Variants in NEXMIF observed in about 807,000 individuals in gnomAD.
The protein encoded by NEXMIF is XLMR protein related to neurite extension.
In NEXMIF, 8 loss-of-function variants were observed where a neutral mutation model predicts 62.1. The ratio of observed to expected loss-of-function variants is 0.13; its 90% CI spans 0.08 to 0.23. The LOEUF (loss-of-function observed/expected upper bound fraction) is 0.23, where lower values mean the gene tolerates loss of function less well. Among genes scored for constraint, NEXMIF ranks in the 10% least tolerant of loss-of-function variants. NEXMIF has a pLI of 1.00. For synonymous variants in NEXMIF, 404 were observed against 416.6 expected, an observed-to-expected ratio of 0.97 and a Z score of 0.37; for missense variants, 976 against 1,113.3, an observed-to-expected ratio of 0.88 and a Z score of 1.75.
chrX:74,919,313 G>A (rs2080818166), intron 1 of NEXMIF, among the ~76,000 whole-genome samples: 1 of 111,428 alleles, frequency 9.0e-6, no homozygotes, highest in Admixed American at 9.5e-5. Context: ...TTCTTCTCCA[G>A]AAAGATCTCT....
At chrX:74,812,334 CAT>C (rs996354227) in intron 1 of NEXMIF, among the ~76,000 whole-genome samples, 4 of 111,921 alleles carry the variant, frequency 3.6e-5, no homozygotes, top group African/African-American at 6.5e-5. Context: ...CAAATTAACA[CAT>C]AGTTTCCCTA....
At chrX:74,824,742 G>A (rs761284200) in intron 1 of NEXMIF, among the ~76,000 whole-genome samples, 12 of 108,428 alleles carry the variant, frequency 1.1e-4, no homozygotes, top group African/African-American at 2.0e-4. Flanking sequence ...TCCGCCTCCC[G>A]GATTCACGCC....
chrX:74,761,780 G>C (rs2080176907), intron 1 of NEXMIF, among the ~76,000 whole-genome samples: 1 of 110,568 alleles, frequency 9.0e-6, no homozygotes, highest in South Asian at 3.9e-4. Context: ...GGGTTGGTTT[G>C]CTCTTGCTTC....
At position 74,919,189 on chromosome X, in the gene NEXMIF, C is replaced by T. The variant is rs1485146947; in HGVS notation, c.-48+5694G>A. Among the ~76,000 whole-genome samples the T allele has an allele frequency of 3.6e-5, 4 of 111,784 alleles. No individual in the cohort carries two copies. The Admixed American group carries it at 3.8e-4, about 11-fold the overall frequency. ...GAGCAGCCATTTTCCAGCATGCAGA[C>T]ATCACCTCTTTATGTGCATGTGTAT... On this transcript the variant is annotated intron_variant, in intron 1 of 3. Transcript: ENST00000055682.
At chrX:74,803,394 C>A (rs2080335650) in intron 1 of NEXMIF, among the ~76,000 whole-genome samples, 1 of 109,989 alleles carries the variant, frequency 9.1e-6, no homozygotes. Flanking sequence ...TCTAAAAATA[C>A]AAAAATAAAT....
rs761358213 is a variant in NEXMIF, at chrX:74,744,001, A to ACTG, written c.553_555dup (p.Gln185dup). On this transcript the variant is annotated inframe_insertion, in exon 3 of 4. Coordinates refer to ENST00000055682, the MANE Select transcript of NEXMIF (RefSeq NM_001008537.3). ...TTCATATTTTCTCCAGCATTAATACACTGAATCCCTATATCAGAGACTGCA... is the reference window on the plus strand; with the variant it reads ...TTCATATTTTCTCCAGCATTAATACACTGCTGAATCCCTATATCAGAGACTGCA... 3.3e-6 allele frequency: 4 copies of ACTG among 1,208,408 alleles called. No individual in the cohort carries two copies. Among genetic ancestry groups the ACTG allele is most frequent in the Non-Finnish European group, 4.5e-6 (4 of 894,298 alleles).
At chrX:74,829,666 A>C (rs925074833) in intron 1 of NEXMIF, among the ~76,000 whole-genome samples, 4 of 111,644 alleles carry the variant, frequency 3.6e-5, no homozygotes, top group African/African-American at 1.3e-4. Context: ...TTACATTCCC[A>C]CAACAGTGTA....
chrX:74,835,052 A>G (rs1246284926), intron 1 of NEXMIF, among the ~76,000 whole-genome samples: 9 of 111,678 alleles, frequency 8.1e-5, no homozygotes, highest in African/African-American at 2.9e-4. Flanking sequence ...AAGCTCACTA[A>G]TTCTTTCTTG....
intron 1 of NEXMIF, among the ~76,000 whole-genome samples, chrX:74,915,025 T>G (rs968270350): frequency 1.8e-5 from 2 of 112,221 alleles, no homozygotes; most frequent in African/African-American, 3.2e-5. Context: ...GATTGCAAGT[T>G]TGATATGGCA....
chrX:74,817,216 A>G (rs2080378793), intron 1 of NEXMIF, among the ~76,000 whole-genome samples: 2 of 111,783 alleles, frequency 1.8e-5, no homozygotes, highest in Admixed American at 1.9e-4. Context: ...TGAATTTGCT[A>G]TTTTATGCCA....
chrX:74,906,057 C>T (rs991991631), intron 1 of NEXMIF, among the ~76,000 whole-genome samples: 4 of 109,327 alleles, frequency 3.7e-5, no homozygotes, highest in Non-Finnish European at 7.6e-5. Flanking sequence ...ATTGTTTGAG[C>T]CTAGGAGTTT....
intron 1 of NEXMIF, among the ~76,000 whole-genome samples, chrX:74,865,759 C>A (rs2080576681): frequency 8.9e-6 from 1 of 112,015 alleles, no homozygotes; most frequent in Admixed American, 9.5e-5. Context: ...ACAGCTTGGG[C>A]CATGGCTTCA....
At chrX:74,882,527 G>A (rs988157190) in intron 1 of NEXMIF, among the ~76,000 whole-genome samples, 2 of 111,974 alleles carry the variant, frequency 1.8e-5, no homozygotes, top group Non-Finnish European at 3.8e-5. Flanking sequence ...AGGGTCCTAC[G>A]CCCACGGAGC....
At chrX:74,875,023 A>G (rs1429936887) in intron 1 of NEXMIF, among the ~76,000 whole-genome samples, 2 of 111,221 alleles carry the variant, frequency 1.8e-5, no homozygotes, top group Non-Finnish European at 3.8e-5. Flanking sequence ...AGAACTTCCA[A>G]CACTATGTTG....
rs749517793 is a variant in NEXMIF at position 74,740,350 on chromosome X, C to G, written c.4207G>C (p.Gly1403Arg). The change falls in exon 3 of 4, where the codon GGG (glycine) becomes CGG (arginine). Residue 1403 changes from glycine to arginine, a missense_variant. Transcript: ENST00000055682. ...RSIKGVSKSN[G>R]KTAIGDPGRA... ...CCAGGATCACCTATTGCTGTTTTCC[C>G]ATTGCTTTTGCTCACACCCTTGATT... 8.3e-7 allele frequency: 1 copy of G among 1,211,866 alleles called. No individual in the cohort carries two copies. Among genetic ancestry groups the G allele is most frequent in the East Asian group, 3.0e-5 (1 of 33,841 alleles).
At chrX:74,753,055 A>G (rs2080149026) in intron 1 of NEXMIF, among the ~76,000 whole-genome samples, 1 of 111,884 alleles carries the variant, frequency 8.9e-6, no homozygotes, top group African/African-American at 3.2e-5. Context: ...GCATTTATAT[A>G]AGGACTATAT....
At chrX:74,779,041 C>G (rs2080237507) in intron 1 of NEXMIF, among the ~76,000 whole-genome samples, 1 of 112,466 alleles carries the variant, frequency 8.9e-6, no homozygotes, top group African/African-American at 3.2e-5. Context: ...CTGAGAAAGC[C>G]TGGAGAAGAT....
intron 1 of NEXMIF, among the ~76,000 whole-genome samples, chrX:74,848,177 T>C (rs2080499544): frequency 8.9e-6 from 1 of 111,896 alleles, no homozygotes; most frequent in African/African-American, 3.3e-5. Context: ...TCCTTGTTTA[T>C]TTAAAAAATG....
chrX:74,855,147 ACTAT>A (rs1008173721), intron 1 of NEXMIF, among the ~76,000 whole-genome samples: 4 of 111,937 alleles, frequency 3.6e-5, no homozygotes, highest in Non-Finnish European at 3.8e-5. Context: ...GAGGCATCAC[ACTAT>A]CTGACTTCAA....
Sources: allele counts gnomAD v4.1 joint callset (sites outside exome capture counted in the v4.1 genomes callset), GRCh38; gene constraint gnomAD v4.1.1; transcripts MANE v1.5; gene names NCBI Gene and HGNC (gene_info 2026-07-23, HGNC 2026-07-21).